Variants in GALNT13 observed in about 807,000 individuals in gnomAD.
GALNT13 encodes polypeptide N-acetylgalactosaminyltransferase 13, also known as UDP-GalNAc:polypeptide N-acetylgalactosaminyltransferase 13.
Under a neutral mutation model 64.2 loss-of-function variants are expected in GALNT13, and 28 were observed. The ratio of observed to expected loss-of-function variants is 0.44; its 90% CI spans 0.32 to 0.60. The LOEUF is 0.60. GALNT13 is among the 20% of genes least tolerant of loss of function. The probability of loss-of-function intolerance (pLI) is 0.05; values close to 1 mark genes in which losing one functional copy is unlikely to be tolerated. For missense variants in GALNT13, 577 were observed against 669.8 expected, an observed-to-expected ratio of 0.86 and a Z score of 1.53; for synonymous variants, 214 against 224.6, an observed-to-expected ratio of 0.95 and a Z score of 0.42.
intron 9 of GALNT13, among the ~76,000 whole-genome samples, chr2:154,358,847 A>G (rs1019555694): frequency 2.4e-4 from 36 of 152,116 alleles, no homozygotes; most frequent in Admixed American, 6.6e-4. Context: ...ACTTGCATTC[A>G]TAGTACTGTG....
chr2:153,493,148 C>T, the GALNT13 span, among the ~76,000 whole-genome samples: 8 of 151,726 alleles, frequency 5.3e-5, no homozygotes, highest in South Asian at 2.1e-4. Flanking sequence ...AAATAGAAGA[C>T]GGAAATAATA....
At chr2:153,738,998 C>T in the GALNT13 span, among the ~76,000 whole-genome samples, 1 of 151,860 alleles carries the variant, frequency 6.6e-6, no homozygotes, top group Non-Finnish European at 1.5e-5. Context: ...CACATGCATC[C>T]ATCTATACAT....
chr2:153,761,670 CTTGAAT>C, the GALNT13 span: 2 of 152,722 alleles, frequency 1.3e-5, no homozygotes, highest in Non-Finnish European at 2.9e-5. Context: ...GAAAGTTTAC[CTTGAAT>C]TTGATGATTA....
At chr2:154,027,298 G>A (rs1698039059) in intron 3 of GALNT13, among the ~76,000 whole-genome samples, 1 of 152,048 alleles carries the variant, frequency 6.6e-6, no homozygotes, top group Non-Finnish European at 1.5e-5. Context: ...TGCTTGTAGT[G>A]AACAATGTCA....
the GALNT13 span, among the ~76,000 whole-genome samples, chr2:153,503,295 G>A: frequency 6.6e-6 from 1 of 152,134 alleles, no homozygotes; most frequent in Non-Finnish European, 1.5e-5. Flanking sequence ...TTCTCCTGCA[G>A]TGGATTGCCA....
chr2:153,876,789 T>C (rs1330474489), intron 1 of GALNT13, among the ~76,000 whole-genome samples: 2 of 152,208 alleles, frequency 1.3e-5, no homozygotes, highest in East Asian at 3.8e-4. Flanking sequence ...TTTAGACTTA[T>C]ACATTTAAAT....
chr2:153,197,444 A>T, the GALNT13 span, among the ~76,000 whole-genome samples: 1 of 152,242 alleles, frequency 6.6e-6, no homozygotes, highest in African/African-American at 2.4e-5. Flanking sequence ...GCCAACCAGT[A>T]GGTGCTCTGG....
chr2:153,503,367 T>C, the GALNT13 span, among the ~76,000 whole-genome samples: 1 of 152,194 alleles, frequency 6.6e-6, no homozygotes, highest in East Asian at 1.9e-4. Flanking sequence ...TTTGTTTGCT[T>C]TGTCAAAGAT....
chr2:154,079,209 A>G (rs897554063), intron 3 of GALNT13, among the ~76,000 whole-genome samples: 2 of 151,674 alleles, frequency 1.3e-5, no homozygotes, highest in Non-Finnish European at 3.0e-5. Context: ...CATGGTAACA[A>G]GAATGTTTAT....
the GALNT13 span, among the ~76,000 whole-genome samples, chr2:153,270,349 C>G: frequency 1.3e-5 from 2 of 152,140 alleles, no homozygotes; most frequent in African/African-American, 4.8e-5. Context: ...TCTGTTAATG[C>G]ACTAGCTCAT....
the GALNT13 span, among the ~76,000 whole-genome samples, chr2:153,317,688 AG>A: frequency 6.6e-6 from 1 of 152,270 alleles, no homozygotes; most frequent in South Asian, 2.1e-4. Flanking sequence ...CTTTCAGTAA[AG>A]TGTGAATAAA....
chr2:153,373,132 T>TTGTGTGTGTGTG, the GALNT13 span, among the ~76,000 whole-genome samples: 414 of 148,842 alleles, frequency 2.8e-3, 3 homozygotes, highest in Middle Eastern at 0.01. Flanking sequence ...TTCTGTTGCT[T>TTGTGTGTGTGTG]TGTGTGTGTG....
chr2:153,886,342 C>G (rs577529071), intron 1 of GALNT13, among the ~76,000 whole-genome samples: 1 of 151,746 alleles, frequency 6.6e-6, no homozygotes, highest in Non-Finnish European at 1.5e-5. Context: ...AGGTATATCT[C>G]CTAATGCTAT....
At chr2:153,495,019 T>C in the GALNT13 span, among the ~76,000 whole-genome samples, 1 of 152,132 alleles carries the variant, frequency 6.6e-6, no homozygotes, top group Non-Finnish European at 1.5e-5. Flanking sequence ...CAGAATGAGA[T>C]AATACTACAT....
At chr2:154,343,102 C>A (rs1429562694) in intron 9 of GALNT13, among the ~76,000 whole-genome samples, 2 of 151,908 alleles carry the variant, frequency 1.3e-5, no homozygotes, top group Non-Finnish European at 2.9e-5. Context: ...CATCTGGGAT[C>A]TCTTTTACTT....
At chr2:153,999,104 C>G (rs564584645) in intron 3 of GALNT13, among the ~76,000 whole-genome samples, 4 of 152,090 alleles carry the variant, frequency 2.6e-5, no homozygotes, top group Admixed American at 2.6e-4. Context: ...CAATCCTAAG[C>G]AAAAAGAACA....
chr2:153,535,171 A>G, the GALNT13 span, among the ~76,000 whole-genome samples: 1 of 152,100 alleles, frequency 6.6e-6, no homozygotes, highest in Admixed American at 6.5e-5. Context: ...GTTAGAAGAA[A>G]CATTTGCCGT....
the GALNT13 span, among the ~76,000 whole-genome samples, chr2:153,482,161 T>C: frequency 8.5e-5 from 13 of 152,352 alleles, no homozygotes; most frequent in Non-Finnish European, 1.5e-4. Flanking sequence ...CCTACGACTT[T>C]GATTTTTCAC....
At chr2:153,777,693 C>A in the GALNT13 span, among the ~76,000 whole-genome samples, 68 of 152,238 alleles carry the variant, frequency 4.5e-4, no homozygotes, top group African/African-American at 1.6e-3. Flanking sequence ...CCTCACTGCT[C>A]ACACCTCTAG....
Sources: allele counts gnomAD v4.1 joint callset (sites outside exome capture counted in the v4.1 genomes callset), GRCh38; gene constraint gnomAD v4.1.1; transcripts MANE v1.5; gene names NCBI Gene and HGNC (gene_info 2026-07-23, HGNC 2026-07-21).